BBS9: variants seen among roughly 807,000 people sequenced by gnomAD.
BBS9 encodes protein PTHB1.
A neutral mutation model predicts 117.7 loss-of-function variants in BBS9; 89 were observed. That is an observed-to-expected ratio of 0.76 (90% CI 0.64 to 0.90). The LOEUF (loss-of-function observed/expected upper bound fraction) is 0.90. Ranked by LOEUF, BBS9 falls within the 40% of genes least tolerant of loss-of-function variation. The pLI is 0.00. For missense variants in BBS9, 982 were observed against 1,042.2 expected, an observed-to-expected ratio of 0.94 and a Z score of 0.80; for synonymous variants, 379 against 370.9, an observed-to-expected ratio of 1.02 and a Z score of -0.25.
intron 21 of BBS9, among the ~76,000 whole-genome samples, chr7:33,633,073 T>G (rs999775222): frequency 1.3e-5 from 2 of 152,268 alleles, no homozygotes; most frequent in East Asian, 1.9e-4. Flanking sequence ...GGCCTGTGAA[T>G]TAAGACAATC....
intron 19 of BBS9, among the ~76,000 whole-genome samples, chr7:33,491,699 G>C (rs541841305): frequency 6.6e-6 from 1 of 152,108 alleles, no homozygotes; most frequent in South Asian, 2.1e-4. Context: ...TAATAGAAGG[G>C]GACACACAGG....
At chr7:33,456,550 GT>G (rs1838678299) in intron 19 of BBS9, among the ~76,000 whole-genome samples, 1 of 151,714 alleles carries the variant, frequency 6.6e-6, no homozygotes, top group Non-Finnish European at 1.5e-5. Context: ...GGGTTTTATG[GT>G]TGTTTTTGAG....
At chr7:33,375,595 C>CTTTCT (rs1386542512) in intron 17 of BBS9, among the ~76,000 whole-genome samples, 11 of 127,466 alleles carry the variant, frequency 8.6e-5, no homozygotes, top group South Asian at 5.3e-4. Context: ...TTCTTTCTTT[C>CTTTCT]TTTTTTTTTT....
At chr7:33,219,730 C>A (rs1789849286) in intron 5 of BBS9, among the ~76,000 whole-genome samples, 1 of 152,120 alleles carries the variant, frequency 6.6e-6, no homozygotes, top group African/African-American at 2.4e-5. Flanking sequence ...CAAAACAGAC[C>A]ACTTGGCTCT....
At chr7:33,401,596 A>T (rs918801219) in intron 19 of BBS9, among the ~76,000 whole-genome samples, 3 of 152,136 alleles carry the variant, frequency 2.0e-5, no homozygotes, top group Non-Finnish European at 4.4e-5. Flanking sequence ...GAATTCAAGG[A>T]TTTTCTAATT....
At chr7:33,406,002 A>G (rs867897660) in intron 19 of BBS9, among the ~76,000 whole-genome samples, 2 of 151,782 alleles carry the variant, frequency 1.3e-5, no homozygotes, top group South Asian at 4.2e-4. Flanking sequence ...ATTTCCCTCT[A>G]CACACTGCTT....
rs760086164 is a variant in BBS9 at position 33,466,989 on chromosome 7, T to TATTC, written c.2116-38453_2116-38450dup. Among the ~76,000 whole-genome samples, 341 of 148,690 alleles carry TATTC rather than the reference T, an allele frequency of 2.3e-3. 3 individuals are homozygous for TATTC. Among genetic ancestry groups the TATTC allele is most frequent in the Admixed American group, 7.0e-3 (102 of 14,616 alleles). On this transcript the variant is annotated intron_variant, in intron 19 of 22. Transcript: ENST00000242067. ...TCCTCCCACAATACACATTCATTCA[T>TATTC]ATTCATTCATTCATTCATTCATTCT...
intron 19 of BBS9, among the ~76,000 whole-genome samples, chr7:33,481,412 A>C (rs779167980): frequency 1.3e-5 from 2 of 152,214 alleles, no homozygotes; most frequent in Non-Finnish European, 2.9e-5. Context: ...ATTTCTCTAT[A>C]AAATAAGGGT....
chr7:33,290,941 T>G (rs1354505495), intron 9 of BBS9, among the ~76,000 whole-genome samples: 1 of 152,192 alleles, frequency 6.6e-6, no homozygotes, highest in Non-Finnish European at 1.5e-5. Flanking sequence ...CAAAAATTAC[T>G]TTAAAGAAAA....
chr7:33,336,871 GT>G (rs1267943609), intron 10 of BBS9, among the ~76,000 whole-genome samples: 1 of 152,210 alleles, frequency 6.6e-6, no homozygotes, highest in African/African-American at 2.4e-5. Context: ...GCACTATCTA[GT>G]TTTTTTCTTT....
In BBS9 at chr7:33,352,906, T is replaced by C. The variant is rs200900589; in HGVS notation, c.1552+33T>C. 7 of 1,594,892 alleles carry C rather than the reference T, an allele frequency of 4.4e-6. No individual in the cohort carries two copies. The African/African-American group carries it at 8.1e-5, about 18-fold the overall frequency. ...TAAAGATAATTTAGAAAAAAATGAATTTCAGAACTGAAATTTGATGAATTG... is the reference window on the plus strand; with the variant it reads ...TAAAGATAATTTAGAAAAAAATGAACTTCAGAACTGAAATTTGATGAATTG... On this transcript the variant is annotated intron_variant, in intron 15 of 22. Coordinates refer to ENST00000242067, the MANE Select transcript of BBS9 (RefSeq NM_198428.3).
intron 8 of BBS9, among the ~76,000 whole-genome samples, chr7:33,273,472 A>C (rs1800195177): frequency 6.6e-6 from 1 of 152,194 alleles, no homozygotes; most frequent in Admixed American, 6.5e-5. Flanking sequence ...AGATGCTTTC[A>C]AGAGAACATC....
At chr7:33,433,594 C>T (rs772209290) in intron 19 of BBS9, among the ~76,000 whole-genome samples, 33 of 152,240 alleles carry the variant, frequency 2.2e-4, no homozygotes, top group Non-Finnish European at 3.8e-4. Flanking sequence ...TTAGTGCCAT[C>T]GGCATTAGTA....
intron 9 of BBS9, among the ~76,000 whole-genome samples, chr7:33,318,310 T>C (rs1810963208): frequency 6.6e-6 from 1 of 152,214 alleles, no homozygotes; most frequent in Non-Finnish European, 1.5e-5. Context: ...TATTTGCTTC[T>C]TTTGGAGTCT....
At chr7:33,603,127 G>C (rs1864053681) in intron 21 of BBS9, among the ~76,000 whole-genome samples, 1 of 152,140 alleles carries the variant, frequency 6.6e-6, no homozygotes, top group Non-Finnish European at 1.5e-5. Flanking sequence ...TCATCTGTTG[G>C]CTGGGGGACG....
intron 21 of BBS9, among the ~76,000 whole-genome samples, chr7:33,633,516 T>C (rs949085227): frequency 2.0e-5 from 3 of 150,270 alleles, no homozygotes; most frequent in Non-Finnish European, 4.4e-5. Context: ...TTTTCTTTTT[T>C]TTTTTTTTTT....
chr7:33,534,077 C>A lies in BBS9; in HGVS notation c.2422C>A (p.Leu808Met), dbSNP rs1279579122. ...QLNIPKDTSQLKKHITLLCDR... is the reference protein window; with the variant it reads ...QLNIPKDTSQMKKHITLLCDR... ...GAACATACCCAAAGACACAAGCCAA[C>A]TGAAGAAACATATCACCTTGCTCTG... The change falls in exon 21 of 23, where the codon CTG becomes ATG. Residue 808 changes from leucine (L) to methionine (M), a missense_variant. Leu to Met is a conservative substitution (Grantham distance 15, BLOSUM62 2). Coordinates refer to ENST00000242067, the MANE Select transcript of BBS9 (RefSeq NM_198428.3). The A allele has an allele frequency of 6.2e-7, 1 of 1,614,102 alleles. No homozygotes were observed. Among genetic ancestry groups the A allele is most frequent in the Non-Finnish European group, 8.5e-7 (1 of 1,180,042 alleles).
At chr7:33,296,217 C>T (rs564688894) in intron 9 of BBS9, among the ~76,000 whole-genome samples, 5 of 152,042 alleles carry the variant, frequency 3.3e-5, no homozygotes, top group Non-Finnish European at 5.9e-5. Context: ...TGGAATTCTC[C>T]GTTAGAGACT....
At chr7:33,315,571 T>C (rs1810314804) in intron 9 of BBS9, among the ~76,000 whole-genome samples, 1 of 152,022 alleles carries the variant, frequency 6.6e-6, no homozygotes, top group South Asian at 2.1e-4. Context: ...GAGGAGACCA[T>C]TTTGGTCATA....
Sources: allele counts gnomAD v4.1 joint callset (sites outside exome capture counted in the v4.1 genomes callset), GRCh38; gene constraint gnomAD v4.1.1; transcripts MANE v1.5; gene names NCBI Gene and HGNC (gene_info 2026-07-23, HGNC 2026-07-21).